GTF2F2: variants seen among roughly 807,000 people sequenced by gnomAD.
GTF2F2 encodes ATP-dependent helicase GTF2F2.
Under a neutral mutation model 42.2 loss-of-function variants are expected in GTF2F2, and 23 were observed. The observed-to-expected ratio is 0.55, with a 90% confidence interval of 0.39 to 0.77. The LOEUF (loss-of-function observed/expected upper bound fraction) is 0.77, where lower values mean the gene tolerates loss of function less well. Among genes scored for constraint, GTF2F2 ranks in the 30% least tolerant of loss-of-function variants. GTF2F2 has a pLI of 0.00. For missense variants in GTF2F2, 261 were observed against 287.2 expected, an observed-to-expected ratio of 0.91 and a Z score of 0.66; for synonymous variants, 105 against 100.8, an observed-to-expected ratio of 1.04 and a Z score of -0.25.
At chr13:45,213,583 C>T (rs553313835) in intron 5 of GTF2F2, among the ~76,000 whole-genome samples, 1 of 152,160 alleles carries the variant, frequency 6.6e-6, no homozygotes, top group Non-Finnish European at 1.5e-5. Flanking sequence ...GTATCCTCTA[C>T]AACATTATAA....
chr13:45,223,359 A>G (rs1436596867), intron 5 of GTF2F2, among the ~76,000 whole-genome samples: 3 of 151,834 alleles, frequency 2.0e-5, no homozygotes, highest in Non-Finnish European at 4.4e-5. Flanking sequence ...TGCACCCCTT[A>G]TGAGGCTAAT....
chr13:45,269,720 A>G (rs1876711780), intron 7 of GTF2F2, among the ~76,000 whole-genome samples: 4 of 152,252 alleles, frequency 2.6e-5, no homozygotes, highest in Non-Finnish European at 5.9e-5. Flanking sequence ...AGTCCTGGAC[A>G]AGGTACTTAA....
chr13:45,280,298 A>T (rs1237038196), intron 7 of GTF2F2, among the ~76,000 whole-genome samples: 1 of 152,208 alleles, frequency 6.6e-6, no homozygotes, highest in Non-Finnish European at 1.5e-5. Flanking sequence ...CGGGGAAGTC[A>T]TTAGAATATT....
In GTF2F2 at chr13:45,123,790, A is replaced by T. The variant is rs182499554; in HGVS notation, c.66+3069A>T. Among the ~76,000 whole-genome samples, 1,240 of 147,492 alleles carry T rather than the reference A, an allele frequency of 8.4e-3. 7 individuals carry two copies. The highest frequency in any genetic ancestry group is 0.014 in the Non-Finnish European group (941 of 67,406). The stretch of plus-strand genomic sequence containing the variant: ...ATGAAGTGCTATTTCTGGAATTTTG[A>T]ATTTTTTTTTTTTTTTTTTTGGCTG... On this transcript the variant is annotated intron_variant, in intron 1 of 7. Transcript: ENST00000340473.
rs7997321 is a variant in GTF2F2, at chr13:45,272,636, C to T, written c.630+5260C>T. On this transcript the variant is annotated intron_variant, in intron 7 of 7. Coordinates refer to ENST00000340473, the MANE Select transcript of GTF2F2 (RefSeq NM_004128.3). ...GTGCACACCTGTAGTCCCAGCTACT[C>T]TGGAGGCTGAGGTTGGGAGAATTGC... is the stretch of plus-strand genomic sequence containing the variant. 6.4e-3 allele frequency among the ~76,000 whole-genome samples: 962 copies of T among 151,354 alleles called. 12 individuals carry two copies. The highest frequency in any genetic ancestry group is 0.022 in the African/African-American group (920 of 41,350).
At position 45,253,803 on chromosome 13, in the gene GTF2F2, C is replaced by T. The variant is rs191970052; in HGVS notation, c.486+833C>T. 6.6e-5 allele frequency among the ~76,000 whole-genome samples: 10 copies of T among 152,272 alleles called. No homozygotes were observed. In the East Asian group the frequency reaches 1.2e-3, roughly 18 times the overall value. Reference sequence around the variant, plus strand: ...ATAAAAAGAAAGAAGAGGCTGGGCGCGGTGGCTCACGCCTGTAATCCCAGC... The same window carrying T: ...ATAAAAAGAAAGAAGAGGCTGGGCGTGGTGGCTCACGCCTGTAATCCCAGC... On this transcript the variant is annotated intron_variant, in intron 6 of 7. Coordinates refer to ENST00000340473, the MANE Select transcript of GTF2F2 (RefSeq NM_004128.3).
chr13:45,124,638 C>T (rs989054635), intron 1 of GTF2F2, among the ~76,000 whole-genome samples: 1 of 152,074 alleles, frequency 6.6e-6, no homozygotes, highest in Non-Finnish European at 1.5e-5. Flanking sequence ...AATCTCAGCG[C>T]ACTGTAACCT....
chr13:45,129,247 C>T (rs113939429), intron 1 of GTF2F2, among the ~76,000 whole-genome samples: 7,886 of 152,242 alleles, frequency 0.052, 271 homozygotes, highest in East Asian at 0.12. Context: ...CTTACACTGT[C>T]ACCCAGGCTG....
At chr13:45,250,581 A>G (rs1875836677) in intron 5 of GTF2F2, among the ~76,000 whole-genome samples, 1 of 152,172 alleles carries the variant, frequency 6.6e-6, no homozygotes, top group South Asian at 2.1e-4. Flanking sequence ...AGAAGTGGGT[A>G]CCCAGTAAAC....
At chr13:45,278,314 T>C (rs1877115113) in intron 7 of GTF2F2, among the ~76,000 whole-genome samples, 1 of 152,224 alleles carries the variant, frequency 6.6e-6, no homozygotes, top group Non-Finnish European at 1.5e-5. Flanking sequence ...TCCTAATCAC[T>C]TGACCTCTTT....
At chr13:45,158,695 G>A (rs909138946) in intron 4 of GTF2F2, among the ~76,000 whole-genome samples, 40 of 152,216 alleles carry the variant, frequency 2.6e-4, no homozygotes, top group African/African-American at 8.7e-4. Flanking sequence ...AGGTTAGCTC[G>A]TTTTGTCCCA....
intron 7 of GTF2F2, among the ~76,000 whole-genome samples, chr13:45,283,238 A>G (rs1440242449): frequency 1.3e-5 from 2 of 152,142 alleles, no homozygotes; most frequent in East Asian, 1.9e-4. Context: ...TTTAATGCAC[A>G]TGATCATATA....
At position 45,280,965 on chromosome 13, in the gene GTF2F2, A is replaced by T. The variant is rs190702535; in HGVS notation, c.631-2477A>T. Among the ~76,000 whole-genome samples, 106 of 152,364 alleles carry T rather than the reference A, an allele frequency of 7.0e-4. 1 individual carries two copies. In the East Asian group the frequency reaches 0.015, roughly 22 times the overall value. On this transcript the variant is annotated intron_variant, in intron 7 of 7. Transcript: ENST00000340473. ...AACCATTCTTTGGAATTTTACAAAG[A>T]TGTCATTCTTGGCACCTAAACAGAG...
intron 4 of GTF2F2, among the ~76,000 whole-genome samples, chr13:45,168,811 CCTTCCTTCCTTCCT>C (rs1871431373): frequency 6.7e-6 from 1 of 149,416 alleles, no homozygotes; most frequent in African/African-American, 2.5e-5. Flanking sequence ...TTCCTTCCTT[CCTTCCTTCCTTCCT>C]TCCCTCCCTC....
intron 4 of GTF2F2, among the ~76,000 whole-genome samples, chr13:45,184,584 G>T (rs1872329130): frequency 6.6e-6 from 1 of 151,932 alleles, no homozygotes; most frequent in Non-Finnish European, 1.5e-5. Flanking sequence ...ATCCTCACCT[G>T]CTTTTCTTTT....
At chr13:45,218,876 A>T (rs902543076) in intron 5 of GTF2F2, among the ~76,000 whole-genome samples, 4 of 152,152 alleles carry the variant, frequency 2.6e-5, no homozygotes, top group Non-Finnish European at 5.9e-5. Flanking sequence ...CAGTACAGGA[A>T]CACCTGACTC....
chr13:45,181,531 A>G (rs1872167758), intron 4 of GTF2F2, among the ~76,000 whole-genome samples: 1 of 152,180 alleles, frequency 6.6e-6, no homozygotes, highest in African/African-American at 2.4e-5. Context: ...TAGGTTTTAA[A>G]CAACAGCAAC....
chr13:45,175,018 C>A (rs1191721421), intron 4 of GTF2F2, among the ~76,000 whole-genome samples: 1 of 152,100 alleles, frequency 6.6e-6, no homozygotes, highest in Non-Finnish European at 1.5e-5. Flanking sequence ...ACTATAGTCA[C>A]CTTGCAGTGT....
At chr13:45,193,900 A>AGTTT in intron 4 of GTF2F2, 1 of 1,614,146 alleles carries the variant, frequency 6.2e-7, no homozygotes. Flanking sequence ...CTCAAACTTA[A>AGTTT]GAGTTTCCAA....
Sources: gnomAD v4.1 joint callset for allele counts (sites outside exome capture counted in the v4.1 genomes callset) on GRCh38, gnomAD v4.1.1 for gene constraint, MANE v1.5 for transcripts, NCBI Gene and HGNC (gene_info 2026-07-23, HGNC 2026-07-21) for gene names.